Variants in HDHD2 observed in about 807,000 individuals in gnomAD.
HDHD2 encodes the protein haloacid dehalogenase like hydrolase domain containing 2, also known as haloacid dehalogenase-like hydrolase domain-containing protein 2.
A neutral mutation model predicts 24.8 loss-of-function variants in HDHD2; 26 were observed. The ratio of observed to expected loss-of-function variants is 1.05; its 90% CI spans 0.77 to 1.45. The LOEUF is 1.45. Among genes scored for constraint, HDHD2 ranks in the 40% most tolerant of loss-of-function variants. The pLI is 0.00. For synonymous variants in HDHD2, 128 were observed against 114.9 expected, an observed-to-expected ratio of 1.11 and a Z score of -0.73; for missense variants, 299 against 313.4, an observed-to-expected ratio of 0.95 and a Z score of 0.35.
At chr18:47,126,957 C>T (rs927778149) in intron 4 of HDHD2, among the ~76,000 whole-genome samples, 3 of 152,052 alleles carry the variant, frequency 2.0e-5, no homozygotes, top group Admixed American at 6.5e-5. Flanking sequence ...GACGTCAGAT[C>T]GAGACCATCC....
At chr18:47,110,710 CTGCAGCAGCCTG>C in intron 6 of HDHD2, 1 of 985,390 alleles carries the variant, frequency 1.0e-6, no homozygotes, top group South Asian at 4.7e-5. Context: ...GATTCACTCA[CTGCAGCAGCCTG>C]TGCTTTCATG....
chr18:47,128,457 C>A (rs1219518486), intron 4 of HDHD2, among the ~76,000 whole-genome samples: 1 of 152,202 alleles, frequency 6.6e-6, no homozygotes, highest in Non-Finnish European at 1.5e-5. Flanking sequence ...GTAGAACTTA[C>A]TTAAGGAGCA....
At chr18:47,133,137 C>G (rs1430782940) in intron 3 of HDHD2, among the ~76,000 whole-genome samples, 1 of 150,784 alleles carries the variant, frequency 6.6e-6, no homozygotes, top group Non-Finnish European at 1.5e-5. Context: ...TAACGCTATC[C>G]CTCCCCACTC....
chr18:47,123,698 C>T (rs181063777), intron 4 of HDHD2, among the ~76,000 whole-genome samples: 1 of 151,876 alleles, frequency 6.6e-6, no homozygotes, highest in Non-Finnish European at 1.5e-5. Flanking sequence ...ACACTGATGA[C>T]AGCAAATGTA....
At chr18:47,147,487 A>G (rs1054237202) in intron 1 of HDHD2, among the ~76,000 whole-genome samples, 3 of 152,256 alleles carry the variant, frequency 2.0e-5, no homozygotes, top group African/African-American at 7.2e-5. Context: ...AGTACACTAC[A>G]AAAGAATGGA....
At chr18:47,134,880 A>AT (rs2063749345) in intron 2 of HDHD2, among the ~76,000 whole-genome samples, 176 bp from the exon 3 acceptor site, 1 of 152,218 alleles carries the variant, frequency 6.6e-6, no homozygotes, top group African/African-American at 2.4e-5. Context: ...TAGAGATGTC[A>AT]TTGTTCACCA....
intron 6 of HDHD2, chr18:47,111,708 A>C (rs1198304784): frequency 4.9e-5 from 48 of 985,316 alleles, no homozygotes; most frequent in Non-Finnish European, 5.5e-5. Context: ...AGGAGCAAGC[A>C]GACAGTGTTT....
intron 4 of HDHD2, among the ~76,000 whole-genome samples, chr18:47,117,487 T>A (rs1411925534): frequency 6.6e-6 from 1 of 152,218 alleles, no homozygotes; most frequent in Admixed American, 6.5e-5. Flanking sequence ...CACAGGATGA[T>A]GCAGCAAAAG....
intron 5 of HDHD2, 125 bp downstream of exon 5, chr18:47,115,007 C>A: frequency 3.1e-6 from 2 of 647,846 alleles, no homozygotes; most frequent in Non-Finnish European, 2.7e-6. Flanking sequence ...TATAGGTAGC[C>A]ATTTATATAT....
intron 4 of HDHD2, among the ~76,000 whole-genome samples, chr18:47,128,303 T>C (rs1181906225): frequency 1.3e-5 from 2 of 152,266 alleles, no homozygotes; most frequent in African/African-American, 4.8e-5. Context: ...ATTAAATATG[T>C]CCTTCCCAAA....
intron 4 of HDHD2, among the ~76,000 whole-genome samples, chr18:47,128,702 A>T (rs924913995): frequency 1.3e-4 from 20 of 152,338 alleles, no homozygotes; most frequent in African/African-American, 4.1e-4. Context: ...GTCACAAATA[A>T]AAGTGCATTA....
At chr18:47,134,818 G>A in intron 2 of HDHD2, 114 bp from the exon 3 acceptor site, 1 of 775,728 alleles carries the variant, frequency 1.3e-6, no homozygotes, top group African/African-American at 1.7e-5. Context: ...ACATGACAAT[G>A]TGTAGCCTCT....
intron 6 of HDHD2, 143 bp downstream of exon 6, chr18:47,112,834 T>A: frequency 1.5e-6 from 1 of 671,918 alleles, no homozygotes. Flanking sequence ...TTTCCTATAA[T>A]CCTAAGCTGT....
At chr18:47,142,153 G>A (rs776354475) in intron 1 of HDHD2, among the ~76,000 whole-genome samples, 36 of 152,178 alleles carry the variant, frequency 2.4e-4, no homozygotes, top group Non-Finnish European at 4.1e-4. Flanking sequence ...TTACAGCAGC[G>A]TGAGAATGAA....
intron 1 of HDHD2, among the ~76,000 whole-genome samples, chr18:47,142,215 G>T (rs2063825821): frequency 6.6e-6 from 1 of 151,382 alleles, no homozygotes; most frequent in Non-Finnish European, 1.5e-5. Flanking sequence ...ATAATATTTT[G>T]TGATACCTTA....
intron 5 of HDHD2, 114 bp from the exon 6 acceptor site, chr18:47,113,154 T>A: frequency 1.2e-6 from 1 of 826,252 alleles, no homozygotes; most frequent in Non-Finnish European, 2.0e-6. Flanking sequence ...TGTTTTTTAT[T>A]GAAATAGAAA....
intron 6 of HDHD2, chr18:47,110,900 C>T (rs2063510682): frequency 1.0e-6 from 1 of 984,402 alleles, no homozygotes; most frequent in Non-Finnish European, 1.2e-6. Context: ...TTATATTGAG[C>T]ATCTACCTTG....
intron 2 of HDHD2, among the ~76,000 whole-genome samples, chr18:47,135,698 T>C (rs2063759433): frequency 6.6e-6 from 1 of 152,224 alleles, no homozygotes; most frequent in African/African-American, 2.4e-5. Flanking sequence ...ATATATGTTA[T>C]TGGTTCTGTT....
chr18:47,116,745 C>G (rs905820185), intron 4 of HDHD2, among the ~76,000 whole-genome samples: 7 of 152,148 alleles, frequency 4.6e-5, no homozygotes, highest in Admixed American at 4.6e-4. Context: ...CACCCCACCC[C>G]CAAGCCCACT....
Sources: gnomAD v4.1 joint callset for allele counts (sites outside exome capture counted in the v4.1 genomes callset) on GRCh38, gnomAD v4.1.1 for gene constraint, MANE v1.5 for transcripts, NCBI Gene and HGNC (gene_info 2026-07-23, HGNC 2026-07-21) for gene names.